CELF4: variants seen among roughly 807,000 people sequenced by gnomAD.
CELF4 encodes CUG-BP- and ETR-3-like factor 4.
A neutral mutation model predicts 59.9 loss-of-function variants in CELF4; 18 were observed. That is an observed-to-expected ratio of 0.30 (90% CI 0.21 to 0.45). The LOEUF (loss-of-function observed/expected upper bound fraction) is 0.45. CELF4 is among the 20% of genes least tolerant of loss of function. The pLI is 1.00. For missense variants in CELF4, 456 were observed against 689.0 expected (o/e 0.66, Z 3.79); for synonymous variants, 261 against 267.1 (o/e 0.98, Z 0.22).
intron 2 of CELF4, among the ~76,000 whole-genome samples, chr18:37,432,666 A>G (rs2099673750): frequency 6.6e-6 from 1 of 152,186 alleles, no homozygotes; most frequent in African/African-American, 2.4e-5. Context: ...TCATGTGACC[A>G]TCTCATAGCT....
chr18:37,559,637 C>T lies in CELF4; in HGVS notation c.286+5719G>A, dbSNP rs552292220. Among the ~76,000 whole-genome samples, 8 of 152,288 alleles carry T rather than the reference C, an allele frequency of 5.3e-5. No individual in the cohort carries two copies. The East Asian group carries it at 1.5e-3, about 29-fold the overall frequency. On this transcript the variant is annotated intron_variant, in intron 1 of 12. Coordinates refer to ENST00000420428, the MANE Select transcript of CELF4 (RefSeq NM_020180.4). ...CCTTCTGGGTCAATTTGGAAACTGA[C>T]TCTCTCCTGATGACATGGAAGGTGT...
chr18:37,331,147 C>T lies in CELF4; in HGVS notation c.370-9266G>A, dbSNP rs58184699. Among the ~76,000 whole-genome samples, 484 of 152,310 alleles carry T rather than the reference C, an allele frequency of 3.2e-3. 1 individual carries two copies. Among genetic ancestry groups the T allele is most frequent in the African/African-American group, 0.011 (450 of 41,566 alleles). On this transcript the variant is annotated intron_variant, in intron 2 of 12. Transcript: ENST00000420428. ...CTCTCCATTCAGACTTCCAGCGCTG[C>T]GCTGCCTGGGCGGGGCTGGCTGTCC... is the stretch of plus-strand genomic sequence containing the variant.
intron 3 of CELF4, among the ~76,000 whole-genome samples, chr18:37,290,789 G>A (rs1270585064): frequency 6.6e-6 from 1 of 152,172 alleles, no homozygotes; most frequent in African/African-American, 2.4e-5. Flanking sequence ...GAAAATGATT[G>A]CCTGGAGGCC....
intron 1 of CELF4, among the ~76,000 whole-genome samples, chr18:37,493,792 C>A (rs2099920363): frequency 6.6e-6 from 1 of 152,144 alleles, no homozygotes; most frequent in South Asian, 2.1e-4. Context: ...GCCATGCATT[C>A]TTCTTTCAGG....
In CELF4 at chr18:37,263,222, A is replaced by C. The variant is rs192224296; in HGVS notation, c.1249+1452T>G. On this transcript the variant is annotated intron_variant, in intron 10 of 12. Coordinates refer to ENST00000420428, the MANE Select transcript of CELF4 (RefSeq NM_020180.4). ...GATTTGTTCAGATTCACAGGGAAGG[A>C]GGTGCCAGAGTCCCACCCAAAAGGG... Among the ~76,000 whole-genome samples, 13 of 152,160 alleles carry C rather than the reference A, an allele frequency of 8.5e-5. No homozygotes were observed. In the East Asian group the frequency reaches 2.5e-3, roughly 29 times the overall value.
intron 2 of CELF4, among the ~76,000 whole-genome samples, chr18:37,391,920 C>A (rs1338267249): frequency 6.6e-6 from 1 of 152,216 alleles, no homozygotes; most frequent in Non-Finnish European, 1.5e-5. Context: ...GGAGTTTCGC[C>A]TGTCTTACCC....
rs1352664425 is a variant in CELF4, at chr18:37,338,034, AC to A, written c.370-16154del. ...TGCCACCACCACCACTGTCGCTGCC[AC>A]CATCTGTTACCTTAACCTTGTCACT... On this transcript the variant is annotated intron_variant, in intron 2 of 12. Transcript: ENST00000420428. Among the ~76,000 whole-genome samples, 4 of 146,656 alleles carry A rather than the reference AC, an allele frequency of 2.7e-5. 1 individual carries two copies. The highest frequency in any genetic ancestry group is 1.0e-4 in the African/African-American group (4 of 39,324).
intron 2 of CELF4, among the ~76,000 whole-genome samples, chr18:37,426,489 G>A (rs1027839024): frequency 1.3e-5 from 2 of 152,240 alleles, no homozygotes; most frequent in African/African-American, 4.8e-5. Context: ...GACCACCCAG[G>A]GGCTGAGCTG....
intron 2 of CELF4, among the ~76,000 whole-genome samples, chr18:37,464,704 G>C (rs920309775): frequency 6.6e-6 from 1 of 152,128 alleles, no homozygotes; most frequent in African/African-American, 2.4e-5. Flanking sequence ...GCCAGGGGAG[G>C]CATCTCACAG....
chr18:37,269,916 A>T (rs900574558), intron 8 of CELF4, among the ~76,000 whole-genome samples: 1 of 152,122 alleles, frequency 6.6e-6, no homozygotes, highest in Middle Eastern at 3.2e-3. Context: ...TCACAGCACA[A>T]ACTGAGTACT....
intron 2 of CELF4, among the ~76,000 whole-genome samples, chr18:37,420,230 G>A (rs1365796679): frequency 6.6e-6 from 1 of 152,236 alleles, no homozygotes; most frequent in Non-Finnish European, 1.5e-5. Context: ...CTCATGGTTA[G>A]GGTGCAGACC....
intron 2 of CELF4, among the ~76,000 whole-genome samples, chr18:37,339,375 C>T (rs1324094492): frequency 6.6e-6 from 1 of 152,108 alleles, no homozygotes; most frequent in Non-Finnish European, 1.5e-5. Flanking sequence ...CACCAGAGCT[C>T]GGCTATGTGG....
At chr18:37,492,373 C>A (rs1786787) in intron 1 of CELF4, among the ~76,000 whole-genome samples, 36,369 of 152,128 alleles carry the variant, frequency 0.24, 4,830 homozygotes, top group Non-Finnish European at 0.3. Flanking sequence ...CTGAGAATCA[C>A]CTGGAAGATT....
intron 2 of CELF4, among the ~76,000 whole-genome samples, chr18:37,414,200 ATCT>A (rs2099503566): frequency 4.5e-5 from 1 of 22,430 alleles, no homozygotes; most frequent in Non-Finnish European, 1.1e-4. Flanking sequence ...TCATCTATCT[ATCT>A]ATCTATCTAT....
At chr18:37,489,068 C>A (rs900246239) in intron 1 of CELF4, among the ~76,000 whole-genome samples, 2 of 152,226 alleles carry the variant, frequency 1.3e-5, no homozygotes, top group Non-Finnish European at 1.5e-5. Flanking sequence ...GGTGTTGAAG[C>A]CCCTTCCTTC....
intron 3 of CELF4, among the ~76,000 whole-genome samples, chr18:37,316,236 G>A (rs2096865892): frequency 6.6e-6 from 1 of 152,102 alleles, no homozygotes; most frequent in African/African-American, 2.4e-5. Context: ...CCATGTTCAG[G>A]GCAGGCAGGG....
At chr18:37,495,576 T>C (rs1229610008) in intron 1 of CELF4, among the ~76,000 whole-genome samples, 1 of 152,142 alleles carries the variant, frequency 6.6e-6, no homozygotes, top group Non-Finnish European at 1.5e-5. Flanking sequence ...GTTGTGTGTG[T>C]GTCTTATACC....
At chr18:37,284,019 CA>C (rs1569524117) in intron 3 of CELF4, among the ~76,000 whole-genome samples, 19 of 2,092 alleles carry the variant, frequency 9.1e-3, no homozygotes, top group South Asian at 0.036. Flanking sequence ...TCAACATGCA[CA>C]CACACCCAAC....
At chr18:37,478,685 G>C (rs1451315007) in intron 2 of CELF4, among the ~76,000 whole-genome samples, 1 of 152,210 alleles carries the variant, frequency 6.6e-6, no homozygotes, top group Non-Finnish European at 1.5e-5. Flanking sequence ...AGTGGGACAG[G>C]GGGCTGGGCT....
Sources: gnomAD v4.1 joint callset for allele counts (sites outside exome capture counted in the v4.1 genomes callset) on GRCh38, gnomAD v4.1.1 for gene constraint, MANE v1.5 for transcripts, NCBI Gene and HGNC (gene_info 2026-07-23, HGNC 2026-07-21) for gene names.